Variants in GALNT14 observed in about 807,000 individuals in gnomAD.
GALNT14 encodes the protein polypeptide N-acetylgalactosaminyltransferase 14, also known as UDP-GalNAc:polypeptide N-acetylgalactosaminyltransferase 14.
A neutral mutation model predicts 77.5 loss-of-function variants in GALNT14; 60 were observed. The ratio of observed to expected loss-of-function variants is 0.77; its 90% CI spans 0.63 to 0.96. The LOEUF is 0.96. GALNT14 is among the 40% of genes least tolerant of loss of function. The pLI is 0.00. For missense variants in GALNT14, 710 were observed against 731.0 expected, an observed-to-expected ratio of 0.97 and a Z score of 0.33; for synonymous variants, 280 against 281.7, an observed-to-expected ratio of 0.99 and a Z score of 0.06.
intron 1 of GALNT14, among the ~76,000 whole-genome samples, chr2:31,097,067 G>C (rs1677038687): frequency 6.6e-6 from 1 of 152,132 alleles, no homozygotes. Flanking sequence ...CTGGGGAAGA[G>C]GGAGAGGGTC....
intron 2 of GALNT14, among the ~76,000 whole-genome samples, chr2:30,978,165 G>A (rs1668753487): frequency 6.6e-6 from 1 of 152,218 alleles, no homozygotes; most frequent in African/African-American, 2.4e-5. Context: ...CACTGCCCTT[G>A]ACTGTACCTG....
intron 1 of GALNT14, among the ~76,000 whole-genome samples, chr2:31,060,849 G>A (rs150011675): frequency 1.6e-4 from 25 of 152,282 alleles, no homozygotes; most frequent in Non-Finnish European, 3.1e-4. Flanking sequence ...ACCCAGCCAG[G>A]ACTTTTCTAG....
At chr2:31,132,933 C>T (rs1321521785) in intron 1 of GALNT14, among the ~76,000 whole-genome samples, 1 of 152,128 alleles carries the variant, frequency 6.6e-6, no homozygotes, top group Non-Finnish European at 1.5e-5. Context: ...TTTTTCAGAT[C>T]CTACACTGGG....
intron 13 of GALNT14, among the ~76,000 whole-genome samples, chr2:30,918,902 G>A (rs1005864096): frequency 6.6e-6 from 1 of 152,070 alleles, no homozygotes; most frequent in South Asian, 2.1e-4. Context: ...GGGCAGGGAG[G>A]GTGGTGTGCA....
At chr2:30,980,970 G>C (rs1299703055) in intron 2 of GALNT14, among the ~76,000 whole-genome samples, 1 of 152,214 alleles carries the variant, frequency 6.6e-6, no homozygotes, top group Non-Finnish European at 1.5e-5. Flanking sequence ...CTACTCAGGA[G>C]GCTGAGGCAG....
the GALNT14 span, among the ~76,000 whole-genome samples, chr2:30,898,658 G>T: frequency 6.6e-6 from 1 of 152,218 alleles, no homozygotes; most frequent in East Asian, 1.9e-4. Context: ...TTATGCTTTA[G>T]TGGGGCATGT....
At chr2:30,977,239 G>A (rs1488293023) in intron 2 of GALNT14, among the ~76,000 whole-genome samples, 2 of 152,018 alleles carry the variant, frequency 1.3e-5, no homozygotes, top group South Asian at 2.1e-4. Flanking sequence ...ACAGGCATGC[G>A]CCAGTATGCC....
chr2:31,098,217 G>A (rs1490126991), intron 1 of GALNT14, among the ~76,000 whole-genome samples: 1 of 152,140 alleles, frequency 6.6e-6, no homozygotes, highest in African/African-American at 2.4e-5. Context: ...CCTAATAAAG[G>A]TTAGTGATTC....
At chr2:31,125,976 C>G (rs188883408) in intron 1 of GALNT14, among the ~76,000 whole-genome samples, 8 of 152,306 alleles carry the variant, frequency 5.3e-5, no homozygotes, top group Admixed American at 3.3e-4. Flanking sequence ...TTAACACTCT[C>G]AAAAATGTGA....
chr2:31,091,924 C>G (rs1676763006), intron 1 of GALNT14, among the ~76,000 whole-genome samples: 2 of 152,106 alleles, frequency 1.3e-5, no homozygotes, highest in African/African-American at 4.8e-5. Context: ...GGGCACCATC[C>G]AATCAGCTGC....
intron 2 of GALNT14, among the ~76,000 whole-genome samples, chr2:30,986,384 C>G (rs972520963): frequency 1.1e-4 from 17 of 152,138 alleles, no homozygotes; most frequent in African/African-American, 4.1e-4. Flanking sequence ...TCAAAATATT[C>G]CCTCCCTCCT....
intron 1 of GALNT14, among the ~76,000 whole-genome samples, chr2:31,124,661 C>T (rs1450084321): frequency 6.6e-6 from 1 of 152,138 alleles, no homozygotes; most frequent in Non-Finnish European, 1.5e-5. Context: ...CCCTCTATTG[C>T]CCAGGATGGA....
chr2:30,987,215 G>A (rs1426737169), intron 2 of GALNT14, among the ~76,000 whole-genome samples: 5 of 152,278 alleles, frequency 3.3e-5, no homozygotes, highest in Non-Finnish European at 7.4e-5. Context: ...ACAGGCTGAC[G>A]ACAGAGGTTT....
At chr2:31,021,011 T>G (rs1573177629) in intron 1 of GALNT14, among the ~76,000 whole-genome samples, 1 of 152,180 alleles carries the variant, frequency 6.6e-6, no homozygotes, top group South Asian at 2.1e-4. Context: ...TGCCAGCCAC[T>G]GCTGTCAGAA....
chr2:30,909,540 C>A (rs1240085169), downstream of GALNT14, among the ~76,000 whole-genome samples: 311 of 150,186 alleles, frequency 2.1e-3, 1 homozygote, highest in Non-Finnish European at 3.0e-3. Context: ...GAATGGCAAT[C>A]ATTAAAAAGT....
At chr2:31,051,226 G>A (rs1439437115) in intron 1 of GALNT14, among the ~76,000 whole-genome samples, 1 of 152,190 alleles carries the variant, frequency 6.6e-6, no homozygotes, top group Non-Finnish European at 1.5e-5. Flanking sequence ...AGGCATGACG[G>A]TGAATGTTAT....
rs72854818 is a variant in GALNT14, at chr2:31,052,244, T to C, written c.130-59237A>G. Among the ~76,000 whole-genome samples the C allele has an allele frequency of 6.0e-3, 915 of 152,184 alleles. 8 individuals carry two copies. Among genetic ancestry groups the C allele is most frequent in the African/African-American group, 0.021 (859 of 41,510 alleles). ...GAGATCTAAGCTGCAGCCTCAGCAC[T>C]CCACATGGCACCAAGTCCTTGTCTC... On this transcript the variant is annotated intron_variant, in intron 1 of 14. Coordinates refer to ENST00000349752, the MANE Select transcript of GALNT14 (RefSeq NM_024572.4).
At chr2:31,130,734 C>G (rs1047428453) in intron 1 of GALNT14, among the ~76,000 whole-genome samples, 8 of 117,538 alleles carry the variant, frequency 6.8e-5, no homozygotes, top group Admixed American at 1.7e-4. Context: ...CAGGGTACCT[C>G]TGTGTGTGTG....
chr2:31,042,784 C>T (rs4952033), intron 1 of GALNT14, among the ~76,000 whole-genome samples: 71,173 of 152,044 alleles, frequency 0.47, 17,180 homozygotes, highest in African/African-American at 0.58. Context: ...CCAGCCTCCA[C>T]CGTCTCAGGC....
Sources: allele counts gnomAD v4.1 joint callset (sites outside exome capture counted in the v4.1 genomes callset), GRCh38; gene constraint gnomAD v4.1.1; transcripts MANE v1.5; gene names NCBI Gene and HGNC (gene_info 2026-07-23, HGNC 2026-07-21).